Variants in P4HA3 observed in about 807,000 individuals in gnomAD.
P4HA3 encodes prolyl 4-hydroxylase subunit alpha 3, also known as prolyl 4-hydroxylase subunit alpha-3.
In P4HA3, 60 loss-of-function variants were observed where a neutral mutation model predicts 66.7. The observed-to-expected ratio is 0.90, with a 90% CI of 0.73 to 1.12. The LOEUF (loss-of-function observed/expected upper bound fraction) is 1.12, where lower values mean the gene tolerates loss of function less well. Ranked by LOEUF, P4HA3 falls within the 50% of genes most tolerant of loss-of-function variation. P4HA3 has a pLI of 0.00. For missense variants in P4HA3, 683 were observed against 685.8 expected (o/e 1.00, Z 0.05); for synonymous variants, 263 against 274.6 (o/e 0.96, Z 0.42).
At chr11:74,309,945 G>A (rs1861680626) in intron 1 of P4HA3, among the ~76,000 whole-genome samples, 1 of 152,142 alleles carries the variant, frequency 6.6e-6, no homozygotes, top group South Asian at 2.1e-4. Context: ...CGCACAGGGT[G>A]ACAATGGGTT....
At chr11:74,290,827 A>G (rs1052035218) in intron 4 of P4HA3, among the ~76,000 whole-genome samples, 5 of 152,238 alleles carry the variant, frequency 3.3e-5, no homozygotes, top group African/African-American at 1.2e-4. Flanking sequence ...TACCAGTAAC[A>G]GGCTGTTTTG....
At chr11:74,285,696 A>G (rs1211091774) in intron 7 of P4HA3, 113 bp downstream of exon 7, 23 of 1,150,736 alleles carry the variant, frequency 2.0e-5, no homozygotes, top group Non-Finnish European at 2.8e-5. Context: ...GGCATTCTGA[A>G]CTCCTTGGCT....
intron 7 of P4HA3, among the ~76,000 whole-genome samples, chr11:74,284,153 G>A (rs1158915814): frequency 1.3e-5 from 2 of 152,342 alleles, no homozygotes; most frequent in Non-Finnish European, 1.5e-5. Flanking sequence ...CTTTAAAGAG[G>A]CAACATGCTT....
chr11:74,277,168 C>T, intron 8 of P4HA3, 24 bp from the exon 9 acceptor site: 1 of 1,591,326 alleles, frequency 6.3e-7, no homozygotes, highest in Non-Finnish European at 8.6e-7. Flanking sequence ...CAGATTGAAG[C>T]ATCAATGATC....
At chr11:74,254,540 G>A (rs1255005950) in intron 15 of P4HA3, 1 of 153,146 alleles carries the variant, frequency 6.5e-6, no homozygotes, top group East Asian at 1.9e-4. Flanking sequence ...GTGTCCTGAA[G>A]CCCATCTTTT....
intron 1 of P4HA3, among the ~76,000 whole-genome samples, chr11:74,305,567 GA>G (rs1183022016): frequency 6.6e-6 from 1 of 152,116 alleles, no homozygotes; most frequent in African/African-American, 2.4e-5. Flanking sequence ...AAGAAGAGAA[GA>G]AGAGTATTTT....
At chr11:74,280,324 A>T (rs548006064) in intron 7 of P4HA3, among the ~76,000 whole-genome samples, 88 of 146,910 alleles carry the variant, frequency 6.0e-4, no homozygotes, top group African/African-American at 1.5e-3. Context: ...TGGCTAATTT[A>T]AAAAAAAAAT....
chr11:74,311,607 C>A lies in P4HA3; in HGVS notation c.5G>T (p.Gly2Val). 3.3e-6 allele frequency: 5 copies of A among 1,507,102 alleles called. No homozygotes were observed. The highest frequency in any genetic ancestry group is 3.5e-6 in the Non-Finnish European group (4 of 1,139,748). 93.4% of individuals were successfully genotyped at this position (1,507,102 alleles called of 1,614,324 possible). ...CAGCGCCGCCAGCCGCGCCCCAGGA[C>A]CCATAGCCAGCGCTCGCGAACTTCC... M[G>V]PGARLAALLA... The change falls in exon 1 of 13, where the codon GGT (glycine) becomes GTT (valine). Residue 2 changes from glycine (G) to valine (V), a missense_variant. Gly to Val is a moderately radical substitution (Grantham distance 109, BLOSUM62 -3). Coordinates refer to ENST00000331597, the MANE Select transcript of P4HA3 (RefSeq NM_182904.5).
intron 10 of P4HA3, 42 bp from the exon 11 acceptor site, chr11:74,269,762 G>T: frequency 1.3e-6 from 2 of 1,586,892 alleles, no homozygotes; most frequent in South Asian, 1.1e-5. Flanking sequence ...AACTGCCACC[G>T]ACTTCCCTAC....
chr11:74,278,642 GA>G (rs1010862794), intron 8 of P4HA3, among the ~76,000 whole-genome samples: 1 of 152,166 alleles, frequency 6.6e-6, no homozygotes, highest in African/African-American at 2.4e-5. Flanking sequence ...TAGAATATCA[GA>G]AAGGTTAGAA....
In P4HA3 at chr11:74,286,370, G is replaced by A. The variant is rs963251594; in HGVS notation, c.791C>T (p.Ala264Val). The change falls in exon 6 of 13, where the codon GCC becomes GTC. Residue 264 changes from alanine (A) to valine (V), a missense_variant. Ala to Val is a moderately conservative substitution (Grantham distance 64). Coordinates refer to ENST00000331597, the MANE Select transcript of P4HA3 (RefSeq NM_182904.5). Reference sequence around the variant, plus strand: ...CCTTTCATATTTCAAGACATTCCTGGCCATCCTCTTATTATCTGGGCCTGG... The same window carrying A: ...CCTTTCATATTTCAAGACATTCCTGACCATCCTCTTATTATCTGGGCCTGG... ...LLYSPDNKRM[A>V]RNVLKYERLL... 3.9e-6 allele frequency: 6 copies of A among 1,557,094 alleles called. No homozygotes were observed. Among genetic ancestry groups the A allele is most frequent in the Non-Finnish European group, 5.2e-6 (6 of 1,153,430 alleles).
At chr11:74,291,468 A>C (rs1196664975) in intron 4 of P4HA3, among the ~76,000 whole-genome samples, 1 of 152,186 alleles carries the variant, frequency 6.6e-6, no homozygotes, top group Non-Finnish European at 1.5e-5. Flanking sequence ...CCTGGCCAGA[A>C]CTTCCAACAC....
rs1179012233 is a variant in P4HA3 at position 74,285,943 on chromosome 11, T to G, written c.976A>C (p.Thr326Pro). The G allele has an allele frequency of 6.2e-7, 1 of 1,611,156 alleles. No individual in the cohort carries two copies. Among genetic ancestry groups the G allele is most frequent in the South Asian group, 1.1e-5 (1 of 90,994 alleles). ...AGCAGCAGGTAGGCGTTGGAATTGGTCTCATAGGAACAGTAGAGGCTAGGG... is the reference window on the plus strand; with the variant it reads ...AGCAGCAGGTAGGCGTTGGAATTGGGCTCATAGGAACAGTAGAGGCTAGGG... ...QIPSLYCSYE[T>P]NSNAYLLLQP... is the part of the protein sequence containing the mutation. The change falls in exon 7 of 13, where the codon ACC becomes CCC. Residue 326 changes from threonine to proline, a missense_variant. Transcript: ENST00000331597.
At chr11:74,284,646 A>G (rs922629225) in intron 7 of P4HA3, among the ~76,000 whole-genome samples, 1 of 152,118 alleles carries the variant, frequency 6.6e-6, no homozygotes, top group Non-Finnish European at 1.5e-5. Context: ...AGAGATGTCT[A>G]TTTAGTCATT....
chr11:74,297,495 C>A (rs2134804556), intron 4 of P4HA3, among the ~76,000 whole-genome samples: 1 of 152,298 alleles, frequency 6.6e-6, no homozygotes, highest in African/African-American at 2.4e-5. Context: ...GCAGCCTACC[C>A]TTGAAGACTG....
intron 9 of P4HA3, among the ~76,000 whole-genome samples, chr11:74,274,773 T>C (rs1591096291): frequency 6.6e-6 from 1 of 152,342 alleles, no homozygotes; most frequent in East Asian, 1.9e-4. Flanking sequence ...CAAACTTTTT[T>C]CCAAAGTGTC....
In P4HA3 at chr11:74,266,875, T is replaced by C. The variant is rs958000770; in HGVS notation, c.*373A>G. On this transcript the variant is annotated 3_prime_UTR_variant, in exon 13 of 13. Transcript: ENST00000331597. The stretch of plus-strand genomic sequence containing the variant: ...CTAGCCCCTCCTGCAGGTGTCCTCA[T>C]TGCCACTTCTTGGTCCCTGTGGTCA... 5 of 804,816 alleles carry C rather than the reference T, an allele frequency of 6.2e-6. No homozygotes were observed. The African/African-American group carries it at 8.7e-5, about 14-fold the overall frequency. 49.9% of individuals were successfully genotyped at this position (804,816 alleles called of 1,614,324 possible). A position where few individuals can be genotyped will look rare whatever the true frequency, so the allele number is the denominator to read the frequency against.
chr11:74,287,939 C>G, intron 5 of P4HA3, among the ~76,000 whole-genome samples: 1 of 152,046 alleles, frequency 6.6e-6, no homozygotes, highest in East Asian at 1.9e-4. Flanking sequence ...TCACTTGAAC[C>G]TGGGAGGCAG....
intron 15 of P4HA3, among the ~76,000 whole-genome samples, chr11:74,259,431 TA>T (rs919980383): frequency 6.6e-6 from 1 of 152,106 alleles, no homozygotes; most frequent in Admixed American, 6.5e-5. Context: ...CAGGATTTTT[TA>T]AAAAAATAGT....
Sources: allele counts gnomAD v4.1 joint callset (sites outside exome capture counted in the v4.1 genomes callset), GRCh38; gene constraint gnomAD v4.1.1; transcripts MANE v1.5; gene names NCBI Gene and HGNC (gene_info 2026-07-23, HGNC 2026-07-21).